ARID1B: variants seen among roughly 807,000 people sequenced by gnomAD.
ARID1B encodes the protein AT-rich interaction domain 1B.
In ARID1B, 30 loss-of-function variants were observed where a neutral mutation model predicts 212.3. The ratio of observed to expected loss-of-function variants is 0.14; its 90% confidence interval spans 0.11 to 0.19. The LOEUF (loss-of-function observed/expected upper bound fraction) is 0.19, where lower values mean the gene tolerates loss of function less well. Among genes scored for constraint, ARID1B ranks in the 10% least tolerant of loss-of-function variants. The pLI is 1.00. For synonymous variants in ARID1B, 1,402 were observed against 1,301.7 expected (o/e 1.08, Z -1.66); for missense variants, 2,891 against 3,204.0 (o/e 0.90, Z 2.36).
At chr6:156,818,232 A>G (rs1375594205) in intron 1 of ARID1B, among the ~76,000 whole-genome samples, 2 of 151,718 alleles carry the variant, frequency 1.3e-5, no homozygotes, top group African/African-American at 4.9e-5. Flanking sequence ...AGCTCTGACA[A>G]ATTAGATATC....
At chr6:157,114,323 G>A (rs960498124) in intron 6 of ARID1B, among the ~76,000 whole-genome samples, 4 of 151,872 alleles carry the variant, frequency 2.6e-5, no homozygotes, top group African/African-American at 7.3e-5. Flanking sequence ...AGGAGTTCGA[G>A]TCCAGCCTTA....
intron 16 of ARID1B, among the ~76,000 whole-genome samples, chr6:157,197,709 C>G (rs1562342382): frequency 6.6e-6 from 1 of 152,116 alleles, no homozygotes; most frequent in Non-Finnish European, 1.5e-5. Context: ...GGAAAAGCTA[C>G]AGATGTTTTT....
intron 19 of ARID1B, chr6:157,204,817 C>T (rs537683808): frequency 6.6e-6 from 1 of 152,238 alleles, no homozygotes; most frequent in African/African-American, 2.4e-5. Context: ...CTATAGTATA[C>T]AAACAACTCT....
Position 157,203,771 on chromosome 6 carries a change from A to G in ARID1B, c.5264-95A>G. ...TTGTTTAAAGTCAATATTTAACTTA[A>G]CACTCCACTTATTTTTTCTTACTCT... is the stretch of plus-strand genomic sequence containing the variant. On this transcript the variant is annotated intron_variant, in intron 18 of 19. Transcript: ENST00000636930. The surrounding 1 kb of genome is among the most constrained non-coding windows in gnomAD (Gnocchi z 4.4). The G allele has an allele frequency of 6.9e-7, 1 of 1,451,970 alleles. No homozygotes were observed. The allele number at this position is 1,451,970 out of a possible 1,614,324, so 89.9% of individuals were successfully genotyped here.
intron 4 of ARID1B, among the ~76,000 whole-genome samples, chr6:156,962,871 C>T (rs1323721030): frequency 6.6e-6 from 1 of 152,022 alleles, no homozygotes; most frequent in African/African-American, 2.4e-5. Context: ...CAACCTCTGC[C>T]TCCTGGGTTC....
intron 5 of ARID1B, among the ~76,000 whole-genome samples, chr6:157,100,329 A>G (rs1255353438): frequency 3.3e-5 from 5 of 152,196 alleles, no homozygotes; most frequent in Non-Finnish European, 5.9e-5. Flanking sequence ...CATGCTGAAC[A>G]ATAGGAAGTG....
chr6:156,902,727 C>T (rs1789047520), intron 3 of ARID1B, among the ~76,000 whole-genome samples: 1 of 117,388 alleles, frequency 8.5e-6, no homozygotes, highest in Non-Finnish European at 1.6e-5. Context: ...CAGAGTGAGA[C>T]TCTGTCTCAA....
At position 157,094,318 on chromosome 6, in the gene ARID1B, A is replaced by C. The variant is rs1271021820; in HGVS notation, c.2491+9413A>C. On this transcript the variant is annotated intron_variant, in intron 5 of 19. Transcript: ENST00000636930. The surrounding 1 kb of genome is among the most constrained non-coding windows in gnomAD (Gnocchi z 4.3). ...TGGGCAGTTAGGTGAGAGAGGAGCT[A>C]ACGACTTTGTAGGTTATGATTATGA... Among the ~76,000 whole-genome samples, 1 of 152,106 alleles carries C rather than the reference A, an allele frequency of 6.6e-6. No individual in the cohort carries two copies. The highest frequency in any genetic ancestry group is 1.5e-5 in the Non-Finnish European group (1 of 67,986).
chr6:157,059,068 T>G (rs1032419858), intron 4 of ARID1B, among the ~76,000 whole-genome samples: 2 of 137,708 alleles, frequency 1.5e-5, no homozygotes, highest in Admixed American at 7.1e-5. Context: ...TGTGTTTTTG[T>G]TTTTTTTTTT....
chr6:157,113,940 C>CAAATGCCACCTGATCAGGTGTCT (rs1232535664), intron 6 of ARID1B, among the ~76,000 whole-genome samples: 2 of 152,166 alleles, frequency 1.3e-5, no homozygotes, highest in African/African-American at 4.8e-5. Flanking sequence ...AACCTTTGAT[C>CAAATGCCACCTGATCAGGTGTCT]AAATGCCACC....
At chr6:156,964,650 A>G (rs1289694227) in intron 4 of ARID1B, among the ~76,000 whole-genome samples, 7 of 152,260 alleles carry the variant, frequency 4.6e-5, no homozygotes, top group African/African-American at 1.7e-4. Flanking sequence ...AAAAAAGAAT[A>G]TAGATTTTAA....
intron 17 of ARID1B, 81 bp downstream of exon 17, chr6:157,198,988 A>T: frequency 1.7e-6 from 2 of 1,195,462 alleles, no homozygotes; most frequent in Non-Finnish European, 2.3e-6. Context: ...CTTACTTCTG[A>T]AGATTTTCAG....
At chr6:156,952,178 GACATTTGTAATTT>G (rs1793636793) in intron 4 of ARID1B, among the ~76,000 whole-genome samples, 1 of 152,156 alleles carries the variant, frequency 6.6e-6, no homozygotes, top group Non-Finnish European at 1.5e-5. Context: ...GTGTGTGAGT[GACATTTGTAATTT>G]AGCTTGTTTT....
At chr6:157,077,767 G>A (rs1413847470) in intron 4 of ARID1B, among the ~76,000 whole-genome samples, 1 of 152,128 alleles carries the variant, frequency 6.6e-6, no homozygotes, top group Non-Finnish European at 1.5e-5. Flanking sequence ...GGACATTCAA[G>A]TGTACAAGTC....
At chr6:156,799,077 T>G (rs376261309) in intron 1 of ARID1B, among the ~76,000 whole-genome samples, 3 of 152,370 alleles carry the variant, frequency 2.0e-5, no homozygotes, top group South Asian at 2.1e-4. Flanking sequence ...ATCTCAAGTC[T>G]CAAGTATTAC....
At chr6:157,161,875 A>G (rs951520172) in intron 8 of ARID1B, among the ~76,000 whole-genome samples, 10 of 152,220 alleles carry the variant, frequency 6.6e-5, no homozygotes, top group African/African-American at 2.2e-4. Flanking sequence ...GACAGTCCGT[A>G]TAGAGAAAGT....
chr6:157,110,615 G>T lies in ARID1B; in HGVS notation c.2581+54G>T, dbSNP rs545602782. 9 of 1,548,312 alleles carry T rather than the reference G, an allele frequency of 5.8e-6. No individual in the cohort carries two copies. In the African/African-American group the frequency reaches 8.2e-5, roughly 14 times the overall value. The stretch of plus-strand genomic sequence containing the variant: ...CTATAGTGCTTTCAGGCGATAAGGC[G>T]TACGTGAGTTTGCTTACCTATGCAC... On this transcript the variant is annotated intron_variant, in intron 6 of 19. Coordinates refer to ENST00000636930, the MANE Select transcript of ARID1B (RefSeq NM_001374828.1).
chr6:156,802,510 A>G lies in ARID1B; in HGVS notation c.1791+23039A>G, dbSNP rs559677993. 2.0e-5 allele frequency among the ~76,000 whole-genome samples: 3 copies of G among 152,328 alleles called. No individual in the cohort carries two copies. In the South Asian group the frequency reaches 6.2e-4, roughly 32 times the overall value. On this transcript the variant is annotated intron_variant, in intron 1 of 19. Transcript: ENST00000636930. Reference sequence around the variant, plus strand: ...TTTAGTTTTAAAATATCAAATGTTAATTTAAGGAATGTCCAGAGGTTTAAT... The same window carrying G: ...TTTAGTTTTAAAATATCAAATGTTAGTTTAAGGAATGTCCAGAGGTTTAAT...
intron 12 of ARID1B, among the ~76,000 whole-genome samples, chr6:157,182,639 T>C (rs1792643452): frequency 6.6e-6 from 1 of 152,132 alleles, no homozygotes; most frequent in Non-Finnish European, 1.5e-5. Flanking sequence ...TCTTTGTGCT[T>C]AGCCTTCCCA....
Sources: allele counts gnomAD v4.1 joint callset (sites outside exome capture counted in the v4.1 genomes callset), GRCh38; gene constraint gnomAD v4.1.1; non-coding constraint Gnocchi (gnomAD v3.1); transcripts MANE v1.5; gene names NCBI Gene and HGNC (gene_info 2026-07-23, HGNC 2026-07-21).